The following CADPS2 variants were observed in gnomAD, a reference collection of about 807,000 sequenced individuals.
CADPS2 encodes the protein calcium-dependent secretion activator 2.
A neutral mutation model predicts 172.5 loss-of-function variants in CADPS2; 93 were observed. The ratio of observed to expected loss-of-function variants is 0.54; its 90% CI spans 0.46 to 0.64. The LOEUF (loss-of-function observed/expected upper bound fraction) is 0.64. Among genes scored for constraint, CADPS2 ranks in the 30% least tolerant of loss-of-function variants. CADPS2 has a pLI of 0.00. For missense variants in CADPS2, 1,420 were observed against 1,565.9 expected, an observed-to-expected ratio of 0.91 and a Z score of 1.57; for synonymous variants, 546 against 555.2, an observed-to-expected ratio of 0.98 and a Z score of 0.23.
At chr7:122,487,343 G>T (rs1303830291) in intron 11 of CADPS2, among the ~76,000 whole-genome samples, 2 of 151,970 alleles carry the variant, frequency 1.3e-5, no homozygotes, top group Non-Finnish European at 2.9e-5. Flanking sequence ...GGAAACCAAA[G>T]AATTTGTGTG....
Position 122,490,102 on chromosome 7 carries a change from G to C in CADPS2, c.1831C>G (p.Leu611Val). 1.9e-6 allele frequency: 3 copies of C among 1,613,256 alleles called. No homozygotes were observed. The highest frequency in any genetic ancestry group is 2.5e-6 in the Non-Finnish European group (3 of 1,179,480). The change falls in exon 11 of 30, where the codon CTC (leucine) becomes GTC (valine). Residue 611 changes from leucine to valine, a missense_variant. By Grantham distance (32) the Leu-to-Val change is conservative. Transcript: ENST00000449022. ...TQKLNPKGGT[L>V]HADAQLSGKD... ...TTACAAAGCTGAGCATCTGCATGGA[G>C]AGTTCCTCCTTTAGGATTCAGTTTC...
intron 7 of CADPS2, among the ~76,000 whole-genome samples, chr7:122,567,554 T>C (rs923690479): frequency 6.6e-6 from 1 of 152,184 alleles, no homozygotes; most frequent in Non-Finnish European, 1.5e-5. Context: ...AAACCTTTTC[T>C]GAACCTAAAG....
chr7:122,615,267 T>C lies in CADPS2; in HGVS notation c.1137A>G (p.Ser379=). Residue 379 remains serine (S), a synonymous_variant, in exon 6 of 30, where the codon TCA becomes TCG. Coordinates refer to ENST00000449022, the MANE Select transcript of CADPS2 (RefSeq NM_017954.11). ...AGTAAACAATTCGATTGGGAGCAACTGACTTCAGGCCTTGCACTTCCATTA... is the reference window on the plus strand; with the variant it reads ...AGTAAACAATTCGATTGGGAGCAACCGACTTCAGGCCTTGCACTTCCATTA... The part of the protein sequence containing the change: ...IVIMEVQGLK[S]VAPNRIVYCT... 9 of 1,554,028 alleles carry C rather than the reference T, an allele frequency of 5.8e-6. No homozygotes were observed. The highest frequency in any genetic ancestry group is 7.9e-6 in the Non-Finnish European group (9 of 1,146,468).
intron 8 of CADPS2, among the ~76,000 whole-genome samples, chr7:122,532,533 C>T (rs898840217): frequency 1.4e-5 from 2 of 138,484 alleles, no homozygotes; most frequent in East Asian, 4.3e-4. Flanking sequence ...CCTCTCCCCA[C>T]CCCCACCCCC....
intron 3 of CADPS2, among the ~76,000 whole-genome samples, chr7:122,641,058 C>A (rs34420222): frequency 6.6e-6 from 1 of 151,922 alleles, no homozygotes. Flanking sequence ...AGGCTTCACT[C>A]TACCAAGGCA....
At chr7:122,586,522 G>A (rs1318376508) in intron 6 of CADPS2, among the ~76,000 whole-genome samples, 4 of 151,844 alleles carry the variant, frequency 2.6e-5, no homozygotes, top group African/African-American at 9.7e-5. Flanking sequence ...ACTTGGGTTT[G>A]GTTTTGAGCT....
At chr7:122,399,656 G>GTTTGTTTTTTTTTTTT (rs1563239204) in intron 20 of CADPS2, among the ~76,000 whole-genome samples, 1 of 94,550 alleles carries the variant, frequency 1.1e-5, no homozygotes, top group Non-Finnish European at 2.4e-5. Context: ...TCAAGGGTGG[G>GTTTGTTTTTTTTTTTT]TTTCTTTTTT....
intron 1 of CADPS2, among the ~76,000 whole-genome samples, chr7:122,802,870 C>A (rs1380885659): frequency 6.6e-6 from 1 of 152,140 alleles, no homozygotes; most frequent in Admixed American, 6.5e-5. Context: ...GCAAATGGAA[C>A]GTAGAGCACA....
intron 6 of CADPS2, among the ~76,000 whole-genome samples, chr7:122,599,296 T>C (rs918742230): frequency 6.6e-6 from 1 of 151,642 alleles, no homozygotes; most frequent in African/African-American, 2.4e-5. Context: ...GGTACAGAGG[T>C]AAGTGGAAGC....
At chr7:122,487,289 G>A (rs2057915025) in intron 11 of CADPS2, among the ~76,000 whole-genome samples, 1 of 152,098 alleles carries the variant, frequency 6.6e-6, no homozygotes, top group Admixed American at 6.5e-5. Flanking sequence ...AGGATTACAG[G>A]CTTGAGCCAC....
At chr7:122,727,966 G>A (rs1433741585) in intron 2 of CADPS2, among the ~76,000 whole-genome samples, 1 of 151,860 alleles carries the variant, frequency 6.6e-6, no homozygotes, top group Non-Finnish European at 1.5e-5. Flanking sequence ...TTTCATCTAT[G>A]AATGTGTTGA....
chr7:122,494,881 G>GT (rs1029757788), intron 9 of CADPS2, among the ~76,000 whole-genome samples: 3,728 of 142,662 alleles, frequency 0.026, 87 homozygotes, highest in African/African-American at 0.06. Context: ...TCCCATAAGG[G>GT]TTTTTTTTTT....
At chr7:122,786,117 AT>A in intron 1 of CADPS2, among the ~76,000 whole-genome samples, 1 of 152,150 alleles carries the variant, frequency 6.6e-6, no homozygotes, top group Non-Finnish European at 1.5e-5. Context: ...AGTCTCGTCT[AT>A]TTCATATAAC....
At chr7:122,618,043 C>CA (rs35600638) in intron 5 of CADPS2, among the ~76,000 whole-genome samples, 100,408 of 145,560 alleles carry the variant, frequency 0.69, 34,525 homozygotes, top group East Asian at 0.94. Context: ...GATTCCATCT[C>CA]AAAAAAAAAA....
chr7:122,806,426 T>A (rs1177260816), intron 1 of CADPS2, among the ~76,000 whole-genome samples: 3 of 152,350 alleles, frequency 2.0e-5, no homozygotes, highest in African/African-American at 7.2e-5. Flanking sequence ...CTACAATTTA[T>A]TGCCCAATTA....
At chr7:122,563,882 C>A (rs1170093223) in intron 7 of CADPS2, among the ~76,000 whole-genome samples, 1 of 152,086 alleles carries the variant, frequency 6.6e-6, no homozygotes, top group African/African-American at 2.4e-5. Flanking sequence ...GCATTCCTAA[C>A]CTGAAAATCC....
intron 19 of CADPS2, among the ~76,000 whole-genome samples, chr7:122,408,723 G>A (rs1167773220): frequency 2.0e-5 from 3 of 152,014 alleles, no homozygotes; most frequent in African/African-American, 7.3e-5. Context: ...CACGGCACCT[G>A]GCTTCAAATA....
intron 11 of CADPS2, among the ~76,000 whole-genome samples, chr7:122,481,178 T>TC (rs2057258687): frequency 6.8e-6 from 1 of 147,654 alleles, no homozygotes; most frequent in Non-Finnish European, 1.5e-5. Flanking sequence ...TTTTTTTTTT[T>TC]TTTTTTTGAC....
intron 1 of CADPS2, among the ~76,000 whole-genome samples, chr7:122,831,410 T>A (rs978719606): frequency 1.3e-5 from 2 of 152,228 alleles, no homozygotes; most frequent in African/African-American, 4.8e-5. Context: ...ACCATCAGTA[T>A]CTTCAATTAT....
Sources: allele counts gnomAD v4.1 joint callset (sites outside exome capture counted in the v4.1 genomes callset), GRCh38; gene constraint gnomAD v4.1.1; transcripts MANE v1.5; gene names NCBI Gene and HGNC (gene_info 2026-07-23, HGNC 2026-07-21).